Variants in ADGRG6 observed in about 807,000 individuals in gnomAD.
ADGRG6 encodes G-protein coupled receptor 126.
Under a neutral mutation model 142.4 loss-of-function variants are expected in ADGRG6, and 84 were observed. That is an observed-to-expected ratio of 0.59 (90% CI 0.49 to 0.71). The LOEUF is 0.71. Among genes scored for constraint, ADGRG6 ranks in the 30% least tolerant of loss-of-function variants. ADGRG6 has a pLI of 0.00. For missense variants in ADGRG6, 1,367 were observed against 1,466.6 expected, an observed-to-expected ratio of 0.93 and a Z score of 1.11; for synonymous variants, 521 against 520.5, an observed-to-expected ratio of 1.00 and a Z score of -0.01.
intron 2 of ADGRG6, among the ~76,000 whole-genome samples, chr6:142,351,941 A>G (rs570502957): frequency 1.3e-5 from 2 of 152,352 alleles, no homozygotes; most frequent in Admixed American, 1.3e-4. Context: ...CATAATGGCC[A>G]TTATTAAAAA....
intron 2 of ADGRG6, among the ~76,000 whole-genome samples, chr6:142,336,372 G>T (rs1005289048): frequency 6.6e-6 from 1 of 152,228 alleles, no homozygotes; most frequent in East Asian, 1.9e-4. Context: ...TTCAGAAAGG[G>T]CAAATTCCCT....
chr6:142,394,925 A>G (rs1321848773), intron 9 of ADGRG6, among the ~76,000 whole-genome samples: 1 of 152,106 alleles, frequency 6.6e-6, no homozygotes. Context: ...TTTGTTGTGA[A>G]GCAAAAGTTT....
At chr6:142,415,478 A>T (rs915674993) in intron 19 of ADGRG6, among the ~76,000 whole-genome samples, 4 of 152,140 alleles carry the variant, frequency 2.6e-5, no homozygotes, top group African/African-American at 9.7e-5. Context: ...ATTTAGGGAA[A>T]TTATTTTTTA....
chr6:142,316,446 G>A (rs1778074388), intron 2 of ADGRG6, among the ~76,000 whole-genome samples: 1 of 152,026 alleles, frequency 6.6e-6, no homozygotes, highest in Non-Finnish European at 1.5e-5. Flanking sequence ...GCAAACAGAA[G>A]GATCTTTTTA....
chr6:142,333,067 T>C (rs906433520), intron 2 of ADGRG6, among the ~76,000 whole-genome samples: 3 of 152,210 alleles, frequency 2.0e-5, no homozygotes, highest in Non-Finnish European at 4.4e-5. Flanking sequence ...GAAATGGTGA[T>C]TGAAATGGTG....
At chr6:142,387,783 A>T (rs1025283839) in intron 6 of ADGRG6, among the ~76,000 whole-genome samples, 1 of 152,222 alleles carries the variant, frequency 6.6e-6, no homozygotes, top group Non-Finnish European at 1.5e-5. Flanking sequence ...TGTTGTTTTG[A>T]TACATTGGTA....
In ADGRG6 at chr6:142,403,875, C is replaced by A; in HGVS notation, c.2029C>A (p.Arg677=). 1.2e-6 allele frequency: 2 copies of A among 1,608,148 alleles called. No individual in the cohort carries two copies. Among genetic ancestry groups the A allele is most frequent in the Non-Finnish European group, 1.7e-6 (2 of 1,175,026 alleles). Residue 677 remains arginine, a synonymous_variant, in exon 14 of 25, where the codon CGG becomes AGG. Coordinates refer to ENST00000367609, the MANE Select transcript of ADGRG6 (RefSeq NM_198569.3). ...CACATCACATGTGAATATTACAACT[C>A]GGAACTTGGCTCTCAGCGTATCATC... ...NSTSHVNITT[R]NLALSVSSLL...
At chr6:142,433,022 A>C (rs1777289775) in intron 22 of ADGRG6, among the ~76,000 whole-genome samples, 1 of 152,232 alleles carries the variant, frequency 6.6e-6, no homozygotes, top group East Asian at 1.9e-4. Context: ...ATGCTTAGGA[A>C]CAAAAGACCT....
At position 142,401,859 on chromosome 6, in the gene ADGRG6, A is replaced by C. The variant is rs1394289709; in HGVS notation, c.1680-135A>C. ...GAGAATTAAAATGGAAAGAGTGAGA[A>C]GCTCAGTATCTTAAAGGGAAGCTTG... On this transcript the variant is annotated intron_variant, in intron 11 of 24. Coordinates refer to ENST00000367609, the MANE Select transcript of ADGRG6 (RefSeq NM_198569.3). 11 of 543,884 alleles carry C rather than the reference A, an allele frequency of 2.0e-5. No homozygotes were observed. In the South Asian group the frequency reaches 3.2e-4, roughly 16 times the overall value. The allele number at this position is 543,884 out of a possible 1,614,324, so 33.7% of individuals were successfully genotyped here. A position where few individuals can be genotyped will look rare whatever the true frequency, so the allele number is the denominator to read the frequency against.
At chr6:142,302,407 A>G in intron 1 of ADGRG6, 76 bp downstream of exon 1, 1 of 1,449,104 alleles carries the variant, frequency 6.9e-7, no homozygotes, top group South Asian at 1.2e-5. Context: ...CTCCCCGACC[A>G]CCCCACCCTC....
At chr6:142,412,163 A>G (rs900044332) in intron 18 of ADGRG6, among the ~76,000 whole-genome samples, 1 of 152,160 alleles carries the variant, frequency 6.6e-6, no homozygotes, top group Non-Finnish European at 1.5e-5. Flanking sequence ...GAACTCATCC[A>G]TAGATTTATA....
intron 2 of ADGRG6, among the ~76,000 whole-genome samples, chr6:142,341,428 A>C (rs1408803134): frequency 4.1e-5 from 5 of 120,918 alleles, no homozygotes; most frequent in Non-Finnish European, 6.6e-5. Context: ...TAATTATATA[A>C]TATATATAAT....
intron 18 of ADGRG6, among the ~76,000 whole-genome samples, chr6:142,412,020 T>G (rs1025895614): frequency 1.3e-5 from 2 of 152,138 alleles, no homozygotes; most frequent in African/African-American, 2.4e-5. Flanking sequence ...CATTCTTTCC[T>G]TCCTTCTTCC....
At chr6:142,440,920 A>G (rs779220737) in intron 24 of ADGRG6, 18 of 1,484,008 alleles carry the variant, frequency 1.2e-5, no homozygotes, top group Admixed American at 2.5e-5. Flanking sequence ...AATGTCTCCT[A>G]TGAGCATTCC....
intron 22 of ADGRG6, among the ~76,000 whole-genome samples, chr6:142,425,533 G>A (rs1776895635): frequency 6.6e-6 from 1 of 152,170 alleles, no homozygotes; most frequent in Non-Finnish European, 1.5e-5. Context: ...GCTTTAGAAT[G>A]CAGAGCAACA....
intron 2 of ADGRG6, among the ~76,000 whole-genome samples, chr6:142,356,365 C>G (rs1355685614): frequency 6.6e-6 from 1 of 152,150 alleles, no homozygotes; most frequent in Non-Finnish European, 1.5e-5. Flanking sequence ...TGGAAATTTT[C>G]TTGAGCAGTA....
At chr6:142,336,984 G>T (rs917052557) in intron 2 of ADGRG6, among the ~76,000 whole-genome samples, 3 of 152,188 alleles carry the variant, frequency 2.0e-5, no homozygotes, top group Non-Finnish European at 4.4e-5. Flanking sequence ...CTAAAGTGTG[G>T]ATGGTTTTGC....
Position 142,367,651 on chromosome 6 carries a change from A to T in ADGRG6, c.186A>T (p.Pro62=), listed in dbSNP as rs552622032. The T allele has an allele frequency of 3.1e-6, 5 of 1,613,828 alleles. No homozygotes were observed. In the African/African-American group the frequency reaches 6.7e-5, roughly 22 times the overall value. The change falls in exon 3 of 25, where the codon CCA becomes CCT. Residue 62 remains proline, a synonymous_variant. Coordinates refer to ENST00000367609, the MANE Select transcript of ADGRG6 (RefSeq NM_198569.3). ...CTCCATGCTACCCTAACGACTACCCAAACAGCCAGGCTTGCATGTGGACGC... is the reference window on the plus strand; with the variant it reads ...CTCCATGCTACCCTAACGACTACCCTAACAGCCAGGCTTGCATGTGGACGC... ...FTSPCYPNDY[P]NSQACMWTLR...
At chr6:142,405,272 T>C (rs1456338998) in intron 14 of ADGRG6, 18 of 448,206 alleles carry the variant, frequency 4.0e-5, no homozygotes, top group Admixed American at 1.7e-4. Flanking sequence ...AAAATTTTAA[T>C]GCAGTCTGAA....
Sources: allele counts gnomAD v4.1 joint callset (sites outside exome capture counted in the v4.1 genomes callset), GRCh38; gene constraint gnomAD v4.1.1; transcripts MANE v1.5; gene names NCBI Gene and HGNC (gene_info 2026-07-23, HGNC 2026-07-21).